RIF1: variants seen among roughly 807,000 people sequenced by gnomAD.
RIF1 encodes the protein replication timing regulatory factor 1, also known as telomere-associated protein RIF1.
A neutral mutation model predicts 247.1 loss-of-function variants in RIF1; 45 were observed. That is an observed-to-expected ratio of 0.18 (90% CI 0.14 to 0.23). The LOEUF is 0.23. Ranked by LOEUF, RIF1 falls within the 10% of genes least tolerant of loss-of-function variation. The probability of loss-of-function intolerance (pLI) is 1.00; values close to 1 mark genes in which losing one functional copy is unlikely to be tolerated. For missense variants in RIF1, 2,967 were observed against 2,862.5 expected (o/e 1.04, Z -0.83); for synonymous variants, 1,087 against 978.8 (o/e 1.11, Z -2.06).
At chr2:151,433,925 A>G (rs1000966088) in intron 10 of RIF1, among the ~76,000 whole-genome samples, 1 of 152,000 alleles carries the variant, frequency 6.6e-6, no homozygotes, top group Non-Finnish European at 1.5e-5. Context: ...TAGTCCTAGC[A>G]CTTTGGGAGG....
At chr2:151,430,587 T>C (rs1689919362) in intron 9 of RIF1, among the ~76,000 whole-genome samples, 2 of 152,228 alleles carry the variant, frequency 1.3e-5, no homozygotes, top group Admixed American at 1.3e-4. Flanking sequence ...CCCAAAGTGC[T>C]GGGATTACAG....
At position 151,474,845 on chromosome 2, in the gene RIF1, T is replaced by C; in HGVS notation, c.7205-12T>C. 1 of 1,422,964 alleles carries C rather than the reference T, an allele frequency of 7.0e-7. No individual in the cohort carries two copies. 88.1% of individuals were successfully genotyped at this position (1,422,964 alleles called of 1,614,324 possible). ...GTATAGATTTAATTGTGGTTTTTTT[T>C]TTCTCTTTTAGATATAATTGATCCT... On this transcript the variant is annotated splice_polypyrimidine_tract_variant and intron_variant, in intron 35 of 35. Coordinates refer to ENST00000444746, the MANE Select transcript of RIF1 (RefSeq NM_018151.5).
In RIF1 at chr2:151,445,385, C is replaced by G. The variant is rs781374983; in HGVS notation, c.2034C>G (p.Ala678=). The change falls in exon 19 of 36, where the codon GCC becomes GCG. Residue 678 remains alanine (A), a synonymous_variant. Coordinates refer to ENST00000444746, the MANE Select transcript of RIF1 (RefSeq NM_018151.5). ...QGDALEHNFS[A]IYGALTLPVN... Reference sequence around the variant, plus strand: ...ATGCCTTAGAACATAATTTTAGTGCCATCTATGGTGCATTGACTTTACCAG... The same window carrying G: ...ATGCCTTAGAACATAATTTTAGTGCGATCTATGGTGCATTGACTTTACCAG... The G allele has an allele frequency of 6.2e-7, 1 of 1,610,288 alleles. No individual in the cohort carries two copies. The highest frequency in any genetic ancestry group is 1.7e-5 in the Admixed American group (1 of 60,004).
chr2:151,499,616 A>G lies in RIF1; in HGVS notation c.*709+76A>G, dbSNP rs2062899810. 16 of 354,884 alleles carry G rather than the reference A, an allele frequency of 4.5e-5. No homozygotes were observed. In the South Asian group the frequency reaches 6.2e-4, roughly 14 times the overall value. The allele number at this position is 354,884 out of a possible 1,614,324, so 22.0% of individuals were successfully genotyped here. ...TCATCATCTTTTTATTGTAACTTGA[A>G]TATATTTATTTCCTGTGCCAGGAAT... On this transcript the variant is annotated intron_variant and NMD_transcript_variant, in intron 11 of 13. Transcript: ENST00000454583.
chr2:151,497,971 G>C, intron 10 of RIF1: 1 of 1,434,166 alleles, frequency 7.0e-7, no homozygotes. Context: ...TTGTGAGTAC[G>C]GTGCCTCCTA....
At position 151,469,542 on chromosome 2, in the gene RIF1, C is replaced by T. The variant is rs970794580; in HGVS notation, c.6942-169C>T. Among the ~76,000 whole-genome samples, 11 of 152,178 alleles carry T rather than the reference C, an allele frequency of 7.2e-5. No homozygotes were observed. In the East Asian group the frequency reaches 2.1e-3, roughly 29 times the overall value. On this transcript the variant is annotated intron_variant, in intron 33 of 35. Transcript: ENST00000444746. ...TACTGTTGCTTATACCAGACATACA[C>T]ATCAGATTCGAATTTTGTTTTAAAT...
chr2:151,458,289 G>A (rs1299272854), intron 24 of RIF1, among the ~76,000 whole-genome samples: 3 of 140,520 alleles, frequency 2.1e-5, no homozygotes, highest in African/African-American at 5.2e-5. Flanking sequence ...CTGGAGTGCA[G>A]TGGTGCGATC....
intron 7 of RIF1, 70 bp downstream of exon 7, chr2:151,420,449 AG>A (rs1361529928): frequency 6.8e-7 from 1 of 1,466,482 alleles, no homozygotes; most frequent in African/African-American, 1.4e-5. Context: ...CTTAAAATTC[AG>A]TCTGGTGGCC....
At chr2:151,421,309 A>G (rs995183957) in intron 7 of RIF1, among the ~76,000 whole-genome samples, 1 of 152,206 alleles carries the variant, frequency 6.6e-6, no homozygotes, top group Non-Finnish European at 1.5e-5. Flanking sequence ...GAGAAGGCAA[A>G]GGAAAGGACA....
chr2:151,441,053 A>G (rs1440144937), intron 15 of RIF1, among the ~76,000 whole-genome samples: 1 of 150,926 alleles, frequency 6.6e-6, no homozygotes, highest in African/African-American at 2.5e-5. Flanking sequence ...TTGGGAGGGC[A>G]AGGTGGGCAA....
intron 27 of RIF1, 25 bp downstream of exon 27, chr2:151,461,314 T>C: frequency 1.2e-6 from 2 of 1,605,324 alleles, no homozygotes; most frequent in Non-Finnish European, 1.7e-6. Context: ...TATCTTGAGT[T>C]GGGTATTTGG....
rs759759947 is a variant in RIF1 at position 151,468,746 on chromosome 2, T to C, written c.6931T>C (p.Ser2311Pro). The change falls in exon 33 of 36, where the codon TCA becomes CCA. Residue 2311 changes from serine (S) to proline (P), a missense_variant. By Grantham distance (74) the Ser-to-Pro change is moderately conservative (BLOSUM62 -1). Around this residue, in one of 7 missense-constraint regions of RIF1, gnomAD observed 2,028 missense variants for 1,825.6 expected, o/e 1.11. Coordinates refer to ENST00000444746, the MANE Select transcript of RIF1 (RefSeq NM_018151.5). The part of the protein sequence containing the change: ...PVDIILPQIT[S>P]NMWARGLGQL... Reference sequence around the variant, plus strand: ...TGACATCATTTTACCTCAGATTACATCAAACATGTGGTAAGTGGTTATTTA... The same window carrying C: ...TGACATCATTTTACCTCAGATTACACCAAACATGTGGTAAGTGGTTATTTA... The C allele has an allele frequency of 6.2e-7, 1 of 1,609,698 alleles. No homozygotes were observed. Among genetic ancestry groups the C allele is most frequent in the East Asian group, 2.2e-5 (1 of 44,836 alleles).
At chr2:151,514,970 TTATTACAA>T in the RIF1 span, 1 of 1,287,764 alleles carries the variant, frequency 7.8e-7, no homozygotes, top group African/African-American at 1.5e-5. Flanking sequence ...AAAAAAATCT[TTATTACAA>T]TATATCTCTC....
chr2:151,423,057 A>G lies in RIF1; in HGVS notation c.786+15A>G. ...TACTTGGAAGGGTAAGTGCCCAGTT[A>G]ATGAACAGTCAACAGTTTTTACATG... is the stretch of plus-strand genomic sequence containing the variant. On this transcript the variant is annotated intron_variant, in intron 8 of 35. Transcript: ENST00000444746. 1 of 1,380,174 alleles carries G rather than the reference A, an allele frequency of 7.2e-7. No individual in the cohort carries two copies. Among genetic ancestry groups the G allele is most frequent in the Non-Finnish European group, 1.0e-6 (1 of 970,866 alleles). The allele number at this position is 1,380,174 out of a possible 1,614,324, so 85.5% of individuals were successfully genotyped here.
chr2:151,446,882 A>G (rs1693364430), intron 20 of RIF1, among the ~76,000 whole-genome samples: 1 of 151,194 alleles, frequency 6.6e-6, no homozygotes, highest in Admixed American at 6.6e-5. Context: ...TATCTGTTAG[A>G]TCTTTAAATT....
At chr2:151,485,819 T>C (rs777246173), downstream of RIF1, 7 of 1,614,000 alleles carry the variant, frequency 4.3e-6, no homozygotes, top group Non-Finnish European at 5.9e-6. Context: ...CTCTGCACAG[T>C]GCCATACATC....
the RIF1 span, chr2:151,526,203 C>T: frequency 8.1e-4 from 1,302 of 1,613,886 alleles, 8 homozygotes; most frequent in South Asian, 4.2e-3. Context: ...GGATCTGAGG[C>T]GTGTCAGGTA....
At chr2:151,510,240 A>C (rs1274304624), downstream of RIF1, among the ~76,000 whole-genome samples, 25 of 151,908 alleles carry the variant, frequency 1.6e-4, no homozygotes, top group Admixed American at 1.6e-3. Context: ...AGGCCTGGGG[A>C]GTTTTTTTTA....
In RIF1 at chr2:151,437,316, A is replaced by T; in HGVS notation, c.1448A>T (p.His483Leu). Residue 483 changes from histidine to leucine, a missense_variant, in exon 13 of 36, where the codon CAT becomes CTT. By Grantham distance (99) the His-to-Leu change is moderately conservative. Around this residue, in one of 7 missense-constraint regions of RIF1, gnomAD observed 369 missense variants for 322.0 expected, o/e 1.15. Coordinates refer to ENST00000444746, the MANE Select transcript of RIF1 (RefSeq NM_018151.5). Reference protein sequence around the residue: ...KHANTLITAVHDSFVAVGKDA... With the variant: ...KHANTLITAVLDSFVAVGKDA... Reference sequence around the variant, plus strand: ...GCAAATACACTTATCACTGCTGTTCATGATAGCTTTGTTGCAGTTGGAAAA... The same window carrying T: ...GCAAATACACTTATCACTGCTGTTCTTGATAGCTTTGTTGCAGTTGGAAAA... The T allele has an allele frequency of 6.2e-7, 1 of 1,613,758 alleles. No individual in the cohort carries two copies. Among genetic ancestry groups the T allele is most frequent in the Non-Finnish European group, 8.5e-7 (1 of 1,179,720 alleles).
Sources: allele counts gnomAD v4.1 joint callset (sites outside exome capture counted in the v4.1 genomes callset), GRCh38; gene constraint gnomAD v4.1.1; regional missense constraint gnomAD v4.1.1; transcripts MANE v1.5; gene names NCBI Gene and HGNC (gene_info 2026-07-23, HGNC 2026-07-21).